PKD1L3: variants seen among roughly 807,000 people sequenced by gnomAD.
PKD1L3 encodes polycystin 1 like 3, transient receptor potential channel interacting.
In PKD1L3, 239 loss-of-function variants were observed where a neutral mutation model predicts 184.1. That is an observed-to-expected ratio of 1.30 (90% CI 1.17 to 1.45). The LOEUF (loss-of-function observed/expected upper bound fraction) is 1.45, where lower values mean the gene tolerates loss of function less well. Among genes scored for constraint, PKD1L3 ranks in the 40% most tolerant of loss-of-function variants. The pLI is 0.00. For synonymous variants in PKD1L3, 996 were observed against 778.8 expected (o/e 1.28, Z -4.64); for missense variants, 2,660 against 2,067.2 (o/e 1.29, Z -5.56).
rs2037952155 is a variant in PKD1L3, at chr16:71,931,271, G to C, written c.4927-1088C>G. ...TGCAGTGGCAAAGGCTCATCCCCTA[G>C]TTATTGGAGCTAGAACCACAACAGA... On this transcript the variant is annotated intron_variant, in intron 28 of 29. Coordinates refer to ENST00000620267, the MANE Select transcript of PKD1L3 (RefSeq NM_181536.2). The C allele has an allele frequency of 2.0e-5, 3 of 151,998 alleles. No homozygotes were observed. In the South Asian group the frequency reaches 6.2e-4, roughly 32 times the overall value. The allele number at this position is 151,998 out of a possible 1,614,324, so 9.4% of individuals were successfully genotyped here.
chr16:71,995,915 T>G (rs552724573), intron 2 of PKD1L3, among the ~76,000 whole-genome samples: 1 of 152,330 alleles, frequency 6.6e-6, no homozygotes, highest in East Asian at 1.9e-4. Context: ...AAAGTGTTGT[T>G]AAGTTTGTGG....
chr16:71,973,036 A>G (rs2143647515), intron 12 of PKD1L3, among the ~76,000 whole-genome samples: 1 of 152,354 alleles, frequency 6.6e-6, no homozygotes, highest in East Asian at 1.9e-4. Context: ...ATACTTGTAG[A>G]ATTTTATGGC....
rs747066860 is a variant in PKD1L3 at position 71,973,473 on chromosome 16, C to T, written c.1804G>A (p.Gly602Arg). 4.9e-5 allele frequency: 76 copies of T among 1,551,814 alleles called. 1 individual carries two copies. In the Middle Eastern group the frequency reaches 6.0e-3, roughly 123 times the overall value. ...WVLNPEHLQH[G>R]IGTYYITAVL... ...GCTGTTATATAGTAGGTGCCAATCC[C>T]GTGCTGCAGATGCTCTGGATTCAGC... Residue 602 changes from glycine (G) to arginine (R), a missense_variant, in exon 12 of 30, where the codon GGG (glycine) becomes AGG (arginine). Physicochemically the swap from Gly to Arg is moderately radical, Grantham distance 125. Transcript: ENST00000620267.
Position 71,995,146 on chromosome 16 carries a change from T to G in PKD1L3, c.419-1814A>C, listed in dbSNP as rs144979496. 2.8e-4 allele frequency among the ~76,000 whole-genome samples: 42 copies of G among 152,248 alleles called. No individual in the cohort carries two copies. The East Asian group carries it at 8.1e-3, about 29-fold the overall frequency. Reference sequence around the variant, plus strand: ...ACGTCCAAGAAGAAGGCACTGGCACTTGGAGTTGGGGGAAGGCTGCAACCT... The same window carrying G: ...ACGTCCAAGAAGAAGGCACTGGCACGTGGAGTTGGGGGAAGGCTGCAACCT... On this transcript the variant is annotated intron_variant, in intron 2 of 29. Transcript: ENST00000620267.
intron 15 of PKD1L3, among the ~76,000 whole-genome samples, chr16:71,966,437 TC>T (rs1038307085): frequency 1.3e-5 from 2 of 151,384 alleles, no homozygotes; most frequent in African/African-American, 4.9e-5. Context: ...TTTTTTTTTT[TC>T]CTTCCCTCCG....
intron 13 of PKD1L3, among the ~76,000 whole-genome samples, chr16:71,968,256 G>A (rs776423804): frequency 1.8e-4 from 28 of 152,084 alleles, no homozygotes; most frequent in Non-Finnish European, 2.9e-5. Flanking sequence ...TCAGGTCTTG[G>A]GCCTCTAAAT....
At chr16:71,939,813 G>A (rs1160419620) in intron 24 of PKD1L3, among the ~76,000 whole-genome samples, 1 of 152,116 alleles carries the variant, frequency 6.6e-6, no homozygotes, top group Non-Finnish European at 1.5e-5. Context: ...GAACTGAATG[G>A]ACCAGTTTAA....
chr16:71,963,491 G>A, intron 15 of PKD1L3, 140 bp from the exon 16 acceptor site: 2 of 924,788 alleles, frequency 2.2e-6, no homozygotes, highest in African/African-American at 1.7e-5. Context: ...GGAAAGGAAA[G>A]AAAGTTGAGG....
In PKD1L3 at chr16:71,934,796, TAC is replaced by T. The variant is rs950035916; in HGVS notation, c.4613+560_4613+561del. On this transcript the variant is annotated intron_variant, in intron 26 of 29. Coordinates refer to ENST00000620267, the MANE Select transcript of PKD1L3 (RefSeq NM_181536.2). ...CTTGAAACAATGCCTCAGGAAAAGT[TAC>T]ACAGATCACCACCCAGGCTGTTGGC... Among the ~76,000 whole-genome samples, 5 of 152,146 alleles carry T rather than the reference TAC, an allele frequency of 3.3e-5. No homozygotes were observed. In the South Asian group the frequency reaches 1.0e-3, roughly 31 times the overall value.
chr16:71,980,264 G>C, intron 7 of PKD1L3, 130 bp from the exon 8 acceptor site: 1 of 1,234,738 alleles, frequency 8.1e-7, no homozygotes, highest in Middle Eastern at 2.6e-4. Context: ...TCCTTAGAGA[G>C]GACCTTGGAA....
chr16:71,963,814 T>C (rs968860869), intron 15 of PKD1L3, among the ~76,000 whole-genome samples: 67 of 151,954 alleles, frequency 4.4e-4, no homozygotes, highest in Admixed American at 1.2e-3. Context: ...GTAGATCTTA[T>C]CTTTCCCTTC....
At chr16:71,950,918 T>G (rs2038806109) in intron 19 of PKD1L3, among the ~76,000 whole-genome samples, 1 of 151,190 alleles carries the variant, frequency 6.6e-6, no homozygotes, top group South Asian at 2.1e-4. Context: ...TTTTTTTGTA[T>G]TTTTAGTAGA....
Position 71,942,614 on chromosome 16 carries a change from G to A in PKD1L3, c.4270C>T (p.Leu1424Phe), listed in dbSNP as rs1043023277. ...RPMVLIPTDE[L>F]HERLTSKNEN... Reference sequence around the variant, plus strand: ...TTCTTGCTTGTCAGCCTTTCGTGAAGCTCATCAGTGGGAATCAGCACCATG... The same window carrying A: ...TTCTTGCTTGTCAGCCTTTCGTGAAACTCATCAGTGGGAATCAGCACCATG... The change falls in exon 24 of 30, where the codon CTT becomes TTT. Residue 1424 changes from leucine to phenylalanine, a missense_variant. Transcript: ENST00000620267. 39 of 1,551,582 alleles carry A rather than the reference G, an allele frequency of 2.5e-5. No homozygotes were observed. The highest frequency in any genetic ancestry group is 1.7e-4 in the Middle Eastern group (1 of 6,012).
intron 7 of PKD1L3, among the ~76,000 whole-genome samples, chr16:71,981,535 CTTTTTTTTTTTTTT>C (rs543488508): frequency 9.5e-6 from 1 of 105,090 alleles, no homozygotes; most frequent in East Asian, 2.7e-4. Flanking sequence ...TTCCTAAATT[CTTTTTTTTTTTTTT>C]TTTTTTTTTT....
chr16:71,929,666 G>A lies in PKD1L3; in HGVS notation c.5071C>T (p.Leu1691=), dbSNP rs1007690847. ...AGCTTCTGTAGCAGTGTATCTATTA[G>A]TGCAGCTTCTTTCTGAGTATTGAAG... ...ERKSLKKEAA[L]IDTLLQKLSN... is the part of the protein sequence containing the mutation. Residue 1691 remains leucine (L), a synonymous_variant, in exon 30 of 30, where the codon CTA becomes TTA. Transcript: ENST00000620267. 9 of 1,547,324 alleles carry A rather than the reference G, an allele frequency of 5.8e-6. No homozygotes were observed. The highest frequency in any genetic ancestry group is 7.0e-6 in the Non-Finnish European group (8 of 1,145,666).
At chr16:71,973,551 A>T (rs1290476841) in intron 11 of PKD1L3, 34 bp from the exon 12 acceptor site, 3 of 1,513,840 alleles carry the variant, frequency 2.0e-6, no homozygotes, top group Non-Finnish European at 2.7e-6. Context: ...CTTGTATATC[A>T]AATGGAACAA....
chr16:71,953,212 A>G (rs1481715800), intron 17 of PKD1L3, 119 bp from the exon 18 acceptor site: 3 of 847,194 alleles, frequency 3.5e-6, no homozygotes, highest in East Asian at 3.1e-5. Flanking sequence ...TAGAGATAAA[A>G]TTATCCTGGC....
At chr16:71,965,092 A>C (rs2039451029) in intron 15 of PKD1L3, among the ~76,000 whole-genome samples, 1 of 151,488 alleles carries the variant, frequency 6.6e-6, no homozygotes, top group Non-Finnish European at 1.5e-5. Flanking sequence ...AAGTGATCTA[A>C]CCACCTTGGC....
chr16:71,997,677 G>A (rs932799270), intron 2 of PKD1L3, among the ~76,000 whole-genome samples: 1 of 152,130 alleles, frequency 6.6e-6, no homozygotes. Context: ...GAACCCGGGA[G>A]GCGGAGCTTG....
Sources: allele counts gnomAD v4.1 joint callset (sites outside exome capture counted in the v4.1 genomes callset), GRCh38; gene constraint gnomAD v4.1.1; transcripts MANE v1.5; gene names NCBI Gene and HGNC (gene_info 2026-07-23, HGNC 2026-07-21).